The following ROBO1 variants were observed in gnomAD, a reference collection of about 807,000 sequenced individuals.
ROBO1 encodes roundabout guidance receptor 1.
A neutral mutation model predicts 195.9 loss-of-function variants in ROBO1; 149 were observed. The ratio of observed to expected loss-of-function variants is 0.76; its 90% confidence interval spans 0.67 to 0.87. The LOEUF (loss-of-function observed/expected upper bound fraction) is 0.87, where lower values mean the gene tolerates loss of function less well. Ranked by LOEUF, ROBO1 falls within the 40% of genes least tolerant of loss-of-function variation. ROBO1 has a pLI of 0.00. For synonymous variants in ROBO1, 816 were observed against 733.2 expected (o/e 1.11, Z -1.82); for missense variants, 1,933 against 2,068.3 (o/e 0.93, Z 1.27).
At chr3:79,628,199 G>A (rs977244829) in intron 1 of ROBO1, among the ~76,000 whole-genome samples, 3 of 152,100 alleles carry the variant, frequency 2.0e-5, no homozygotes, top group African/African-American at 7.2e-5. Flanking sequence ...GTTTATTGCA[G>A]CATTATTTAC....
intron 10 of ROBO1, among the ~76,000 whole-genome samples, chr3:78,672,750 T>A (rs1708139433): frequency 1.3e-5 from 2 of 152,214 alleles, no homozygotes; most frequent in African/African-American, 4.8e-5. Context: ...ACTGCATTTA[T>A]GAGTCAAATC....
chr3:78,826,588 T>A (rs1208111467), intron 4 of ROBO1, among the ~76,000 whole-genome samples: 1 of 152,088 alleles, frequency 6.6e-6, no homozygotes, highest in Non-Finnish European at 1.5e-5. Flanking sequence ...AATGTAAGAG[T>A]TGAAATTGAC....
intron 2 of ROBO1, among the ~76,000 whole-genome samples, chr3:79,247,185 T>C (rs1459706456): frequency 6.7e-6 from 1 of 148,674 alleles, no homozygotes; most frequent in Non-Finnish European, 1.5e-5. Flanking sequence ...GCTGTGAACA[T>C]AGATAGAATT....
intron 2 of ROBO1, among the ~76,000 whole-genome samples, chr3:79,576,098 G>A (rs1428520962): frequency 1.3e-5 from 2 of 151,764 alleles, no homozygotes; most frequent in Non-Finnish European, 2.9e-5. Context: ...ACTAAATACT[G>A]TATCACCTGA....
chr3:78,776,320 C>T (rs533344138), intron 4 of ROBO1, among the ~76,000 whole-genome samples: 15 of 152,218 alleles, frequency 9.9e-5, no homozygotes, highest in Admixed American at 6.5e-4. Flanking sequence ...GGCACGATCT[C>T]GGCCCACTGC....
At chr3:78,803,341 A>G (rs2084426056) in intron 4 of ROBO1, among the ~76,000 whole-genome samples, 2 of 152,122 alleles carry the variant, frequency 1.3e-5, no homozygotes, top group South Asian at 2.1e-4. Context: ...TCCTCCTAAC[A>G]TCATGACATT....
chr3:79,241,039 T>G (rs2082506149), intron 2 of ROBO1, among the ~76,000 whole-genome samples: 1 of 152,252 alleles, frequency 6.6e-6, no homozygotes, highest in Middle Eastern at 3.4e-3. Context: ...ATGAAAGAAA[T>G]ATTTTTGTTA....
chr3:79,147,300 T>C (rs1482016966), intron 2 of ROBO1, among the ~76,000 whole-genome samples: 2 of 151,984 alleles, frequency 1.3e-5, no homozygotes, highest in Non-Finnish European at 2.9e-5. Context: ...GAAGGTACTT[T>C]CTGTTTGACG....
intron 4 of ROBO1, among the ~76,000 whole-genome samples, chr3:78,813,965 G>C (rs2084822784): frequency 6.6e-6 from 1 of 151,924 alleles, no homozygotes; most frequent in African/African-American, 2.4e-5. Flanking sequence ...TAAATGTTCT[G>C]CTTCTCCCAA....
chr3:79,179,763 A>G (rs1358848729), intron 2 of ROBO1, among the ~76,000 whole-genome samples: 1 of 152,210 alleles, frequency 6.6e-6, no homozygotes, highest in African/African-American at 2.4e-5. Context: ...AAACAATTAC[A>G]TCTGATTATG....
intron 2 of ROBO1, among the ~76,000 whole-genome samples, chr3:79,149,424 T>C (rs2080718898): frequency 6.6e-6 from 1 of 151,910 alleles, no homozygotes; most frequent in African/African-American, 2.4e-5. Context: ...GTATTAATCA[T>C]AGTTGTTTTA....
At chr3:79,133,920 C>T (rs1292270260) in intron 2 of ROBO1, among the ~76,000 whole-genome samples, 1 of 151,874 alleles carries the variant, frequency 6.6e-6, no homozygotes, top group Non-Finnish European at 1.5e-5. Context: ...CCCTCAGCTG[C>T]AGGTCTGTTG....
intron 2 of ROBO1, among the ~76,000 whole-genome samples, chr3:79,373,784 G>C (rs2109347006): frequency 6.6e-6 from 1 of 152,262 alleles, no homozygotes; most frequent in South Asian, 2.1e-4. Context: ...AGGGAACATA[G>C]CCATTTAAGG....
chr3:79,101,320 C>A (rs1396722916), intron 3 of ROBO1, among the ~76,000 whole-genome samples: 1 of 151,714 alleles, frequency 6.6e-6, no homozygotes, highest in Non-Finnish European at 1.5e-5. Flanking sequence ...GGGTGGACAG[C>A]GCAAACTCTT....
At chr3:79,522,955 G>A (rs1310005408) in intron 2 of ROBO1, among the ~76,000 whole-genome samples, 1 of 152,020 alleles carries the variant, frequency 6.6e-6, no homozygotes, top group Non-Finnish European at 1.5e-5. Flanking sequence ...TTCTCTTAAG[G>A]TAATTCCTTA....
chr3:78,631,016 G>T, intron 25 of ROBO1, 145 bp downstream of exon 25: 1 of 833,408 alleles, frequency 1.2e-6, no homozygotes, highest in Non-Finnish European at 1.8e-6. Context: ...TTTACTTCCT[G>T]CTGACCAGCA....
At chr3:79,219,111 AT>A (rs1202600989) in intron 2 of ROBO1, among the ~76,000 whole-genome samples, 1 of 151,994 alleles carries the variant, frequency 6.6e-6, no homozygotes, top group Non-Finnish European at 1.5e-5. Flanking sequence ...TAACATAGTT[AT>A]TTTTTAATTT....
At position 79,183,080 on chromosome 3, in the gene ROBO1, C is replaced by CAAAAAAAAAAAAAAAAA. The variant is rs1304597488; in HGVS notation, c.89-57558_89-57542dup. Reference sequence around the variant, plus strand: ...TGGGTGACAGAGAGAGACTCCAACTCAAAAAAAAAAAAAAAAAGATACATA... The same window carrying CAAAAAAAAAAAAAAAAA: ...TGGGTGACAGAGAGAGACTCCAACTCAAAAAAAAAAAAAAAAAAAAAAAAAAAAAAAAAAGATACATA... On this transcript the variant is annotated intron_variant, in intron 2 of 30. Coordinates refer to ENST00000464233, the MANE Select transcript of ROBO1 (RefSeq NM_002941.4). 1.2e-3 allele frequency among the ~76,000 whole-genome samples: 75 copies of CAAAAAAAAAAAAAAAAA among 64,756 alleles called. 1 individual carries two copies. The highest frequency in any genetic ancestry group is 3.5e-3 in the African/African-American group (64 of 18,544). The allele number at this position is 64,756 out of a possible 152,430, so 42.5% of individuals were successfully genotyped here.
chr3:79,377,197 GAC>G (rs1345312422), intron 2 of ROBO1, among the ~76,000 whole-genome samples: 1 of 151,818 alleles, frequency 6.6e-6, no homozygotes, highest in Non-Finnish European at 1.5e-5. Flanking sequence ...AAGAAAAAAA[GAC>G]ACACAATTCT....
Sources: allele counts gnomAD v4.1 joint callset (sites outside exome capture counted in the v4.1 genomes callset), GRCh38; gene constraint gnomAD v4.1.1; transcripts MANE v1.5; gene names NCBI Gene and HGNC (gene_info 2026-07-23, HGNC 2026-07-21).